The following TIMM23 variants were observed in gnomAD, a reference collection of about 807,000 sequenced individuals.
TIMM23 encodes mitochondrial import inner membrane translocase subunit Tim23.
Under a neutral mutation model 30.7 loss-of-function variants are expected in TIMM23, and 19 were observed. That is an observed-to-expected ratio of 0.62 (90% CI 0.43 to 0.91). TIMM23 has a LOEUF of 0.91. Ranked by LOEUF, TIMM23 falls within the 40% of genes least tolerant of loss-of-function variation. The pLI is 0.00. For missense variants in TIMM23, 202 were observed against 269.2 expected, an observed-to-expected ratio of 0.75 and a Z score of 1.75; for synonymous variants, 78 against 98.5, an observed-to-expected ratio of 0.79 and a Z score of 1.23.
chr10:45,993,579 C>CATGATGAAATGA (rs1838237215), intron 6 of TIMM23, among the ~76,000 whole-genome samples: 1 of 152,040 alleles, frequency 6.6e-6, no homozygotes, highest in South Asian at 2.1e-4. Flanking sequence ...CATGACATGA[C>CATGATGAAATGA]ATGATGAAAT....
At chr10:46,001,434 TAAG>T (rs1262570020) in intron 6 of TIMM23, among the ~76,000 whole-genome samples, 3 of 152,178 alleles carry the variant, frequency 2.0e-5, no homozygotes, top group African/African-American at 7.2e-5. Flanking sequence ...ATTGGAAAAC[TAAG>T]AAGAACGTAA....
chr10:45,982,133 A>G (rs1365608767), intron 2 of TIMM23, among the ~76,000 whole-genome samples: 36 of 152,204 alleles, frequency 2.4e-4, no homozygotes, highest in Admixed American at 2.0e-3. Flanking sequence ...GGCTTTATAC[A>G]TAGAAAAATG....
In TIMM23 at chr10:46,003,479, C is replaced by T. The variant is rs1331808734; in HGVS notation, c.*161C>T. 7 of 561,130 alleles carry T rather than the reference C, an allele frequency of 1.2e-5. No individual in the cohort carries two copies. The highest frequency in any genetic ancestry group is 5.7e-5 in the African/African-American group (3 of 52,202). 34.8% of individuals were successfully genotyped at this position (561,130 alleles called of 1,614,324 possible). ...ATCCTGGATGGCTGACCAAGACTGGCACTTGTTCCAGCCATTAGTGAGTTG... is the reference window on the plus strand; with the variant it reads ...ATCCTGGATGGCTGACCAAGACTGGTACTTGTTCCAGCCATTAGTGAGTTG... On this transcript the variant is annotated 3_prime_UTR_variant, in exon 7 of 7. Coordinates refer to ENST00000580018, the MANE Select transcript of TIMM23 (RefSeq NM_006327.4).
intron 6 of TIMM23, among the ~76,000 whole-genome samples, chr10:45,991,489 T>C (rs1318745004): frequency 2.6e-5 from 4 of 152,140 alleles, no homozygotes; most frequent in South Asian, 2.1e-4. Flanking sequence ...CGGTGGCTCA[T>C]GCCTGTAATC....
intron 2 of TIMM23, among the ~76,000 whole-genome samples, chr10:45,976,059 G>T (rs1837663900): frequency 6.6e-6 from 1 of 152,002 alleles, no homozygotes; most frequent in African/African-American, 2.4e-5. Context: ...TTAAAGCTCA[G>T]TTTACAATAT....
rs1307107233 is a variant in TIMM23 at position 45,989,150 on chromosome 10, C to A, written c.514+303C>A. Among the ~76,000 whole-genome samples, 5 of 152,314 alleles carry A rather than the reference C, an allele frequency of 3.3e-5. No homozygotes were observed. In the East Asian group the frequency reaches 7.7e-4, roughly 23 times the overall value. On this transcript the variant is annotated intron_variant, in intron 6 of 6. Coordinates refer to ENST00000580018, the MANE Select transcript of TIMM23 (RefSeq NM_006327.4). Reference sequence around the variant, plus strand: ...TATTAAGCCTCCCAATTTACCACTTCCTTAGCTCTTGATAATGTTACACTT... The same window carrying A: ...TATTAAGCCTCCCAATTTACCACTTACTTAGCTCTTGATAATGTTACACTT...
At chr10:45,979,123 A>G (rs4561161) in intron 2 of TIMM23, among the ~76,000 whole-genome samples, 2 of 152,252 alleles carry the variant, frequency 1.3e-5, no homozygotes, top group Non-Finnish European at 2.9e-5. Context: ...GCCAAGGGTT[A>G]GGAGTAAATG....
At chr10:45,972,795 T>A in intron 1 of TIMM23, 65 bp downstream of exon 1, 1 of 1,591,626 alleles carries the variant, frequency 6.3e-7, no homozygotes, top group Non-Finnish European at 8.6e-7. Context: ...AAGTTGCGCG[T>A]CCCATGTTTT....
At chr10:45,979,954 G>A (rs61849481) in intron 2 of TIMM23, among the ~76,000 whole-genome samples, 1 of 151,968 alleles carries the variant, frequency 6.6e-6, no homozygotes, top group African/African-American at 2.4e-5. Context: ...ATATCATTGT[G>A]GCCCTGCATT....
At chr10:45,976,933 A>G (rs1268407517) in intron 2 of TIMM23, among the ~76,000 whole-genome samples, 3 of 152,246 alleles carry the variant, frequency 2.0e-5, no homozygotes, top group African/African-American at 7.2e-5. Context: ...GTTGCAGAAT[A>G]CAAGTTCAAT....
At chr10:45,993,443 G>A (rs1838232859) in intron 6 of TIMM23, among the ~76,000 whole-genome samples, 1 of 151,850 alleles carries the variant, frequency 6.6e-6, no homozygotes, top group East Asian at 1.9e-4. Context: ...TAGTAGAGAC[G>A]GGGTTTCTCC....
rs1197281254 is a variant in TIMM23 at position 45,985,474 on chromosome 10, TAAAG to T, written c.403+40_403+43del. On this transcript the variant is annotated intron_variant, in intron 5 of 6. Transcript: ENST00000580018. ...GAGATCTCATTTGATAATAAATTGT[TAAAG>T]AAAGAATGCACAAATATCATGAACA... is the stretch of plus-strand genomic sequence containing the variant. 69 of 1,611,424 alleles carry T rather than the reference TAAAG, an allele frequency of 4.3e-5. No homozygotes were observed. The Admixed American group carries it at 4.7e-4, about 11-fold the overall frequency.
chr10:45,983,309 G>C (rs1837898940), intron 4 of TIMM23, among the ~76,000 whole-genome samples: 2 of 152,154 alleles, frequency 1.3e-5, no homozygotes, highest in African/African-American at 4.8e-5. Flanking sequence ...AGCAGCTCAT[G>C]AGAGTGATGG....
intron 2 of TIMM23, among the ~76,000 whole-genome samples, chr10:45,977,627 T>G (rs1837713399): frequency 6.6e-6 from 1 of 152,240 alleles, no homozygotes; most frequent in African/African-American, 2.4e-5. Context: ...GTTGTGACTT[T>G]GGATTAGACT....
rs79329950 is a variant in TIMM23 at position 45,985,843 on chromosome 10, G to A, written c.403+402G>A. On this transcript the variant is annotated intron_variant, in intron 5 of 6. Coordinates refer to ENST00000580018, the MANE Select transcript of TIMM23 (RefSeq NM_006327.4). The stretch of plus-strand genomic sequence containing the variant: ...CTCTTGCTATGTTTTCTTAATAGCC[G>A]GTTCATTAGTCTGTTTACCTGAGTA... Among the ~76,000 whole-genome samples, 732 of 152,260 alleles carry A rather than the reference G, an allele frequency of 4.8e-3. 6 individuals carry two copies. The highest frequency in any genetic ancestry group is 0.017 in the African/African-American group (698 of 41,548).
At chr10:45,980,794 T>C (rs1837818205) in intron 2 of TIMM23, among the ~76,000 whole-genome samples, 1 of 152,074 alleles carries the variant, frequency 6.6e-6, no homozygotes, top group Non-Finnish European at 1.5e-5. Context: ...ATAACAACCT[T>C]GTTTGTGTGT....
intron 6 of TIMM23, among the ~76,000 whole-genome samples, chr10:45,994,990 T>A (rs1838286153): frequency 6.6e-6 from 1 of 151,996 alleles, no homozygotes; most frequent in African/African-American, 2.4e-5. Flanking sequence ...GACATTGATT[T>A]GCCTTTGTTA....
intron 2 of TIMM23, 24 bp downstream of exon 2, chr10:45,975,536 T>G (rs1837645635): frequency 6.2e-7 from 1 of 1,613,260 alleles, no homozygotes; most frequent in Non-Finnish European, 8.5e-7. Context: ...TTTACTAGTT[T>G]GGTGCATTAT....
At chr10:45,985,786 C>A (rs1399503478) in intron 5 of TIMM23, among the ~76,000 whole-genome samples, 21 of 152,296 alleles carry the variant, frequency 1.4e-4, no homozygotes, top group African/African-American at 5.1e-4. Flanking sequence ...GGTTCAAGGT[C>A]CTGTAGTGAT....
Sources: gnomAD v4.1 joint callset for allele counts (sites outside exome capture counted in the v4.1 genomes callset) on GRCh38, gnomAD v4.1.1 for gene constraint, MANE v1.5 for transcripts, NCBI Gene and HGNC (gene_info 2026-07-23, HGNC 2026-07-21) for gene names.